Variants in PLCB1 observed in about 807,000 individuals in gnomAD.
PLCB1 encodes the protein 1-phosphatidylinositol 4,5-bisphosphate phosphodiesterase beta-1.
In PLCB1, 46 loss-of-function variants were observed where a neutral mutation model predicts 161.8. The ratio of observed to expected loss-of-function variants is 0.28; its 90% CI spans 0.22 to 0.36. The LOEUF (loss-of-function observed/expected upper bound fraction) is 0.36, where lower values mean the gene tolerates loss of function less well. Ranked by LOEUF, PLCB1 falls within the 10% of genes least tolerant of loss-of-function variation. PLCB1 has a pLI of 1.00. For synonymous variants in PLCB1, 517 were observed against 503.7 expected, an observed-to-expected ratio of 1.03 and a Z score of -0.35; for missense variants, 1,016 against 1,472.5, an observed-to-expected ratio of 0.69 and a Z score of 5.07.
At chr20:8,491,498 G>A (rs1982944418) in intron 3 of PLCB1, among the ~76,000 whole-genome samples, 1 of 151,962 alleles carries the variant, frequency 6.6e-6, no homozygotes, top group African/African-American at 2.4e-5. Context: ...CTGGAAAAGT[G>A]GTCTAATGTA....
At chr20:8,435,626 A>G (rs1364307340) in intron 3 of PLCB1, among the ~76,000 whole-genome samples, 1 of 152,166 alleles carries the variant, frequency 6.6e-6, no homozygotes, top group Non-Finnish European at 1.5e-5. Flanking sequence ...CAGAGCCCTC[A>G]GTCACAGAGC....
chr20:8,188,554 T>C (rs1451381825), intron 2 of PLCB1, among the ~76,000 whole-genome samples: 2 of 152,174 alleles, frequency 1.3e-5, no homozygotes, highest in Non-Finnish European at 2.9e-5. Flanking sequence ...GCAATGTGGA[T>C]TGCTAGACAG....
intron 3 of PLCB1, among the ~76,000 whole-genome samples, chr20:8,493,833 CG>C (rs1983045755): frequency 8.7e-5 from 7 of 80,042 alleles, no homozygotes; most frequent in African/African-American, 3.3e-4. Flanking sequence ...CCTTGGTGTA[CG>C]AGAGTCTGCA....
chr20:8,664,751 ATC>A (rs1438828210), intron 9 of PLCB1, among the ~76,000 whole-genome samples: 1 of 152,084 alleles, frequency 6.6e-6, no homozygotes, highest in African/African-American at 2.4e-5. Flanking sequence ...GTCTTTTTTC[ATC>A]TCTCATCATT....
chr20:8,445,512 A>G (rs909959868), intron 3 of PLCB1, among the ~76,000 whole-genome samples: 1 of 151,776 alleles, frequency 6.6e-6, no homozygotes, highest in Non-Finnish European at 1.5e-5. Flanking sequence ...TTGACTTAGG[A>G]TTGACTTGGC....
At chr20:8,509,342 T>C (rs1983775909) in intron 3 of PLCB1, among the ~76,000 whole-genome samples, 1 of 152,194 alleles carries the variant, frequency 6.6e-6, no homozygotes, top group African/African-American at 2.4e-5. Context: ...CATCAATTCT[T>C]GTAAGACAAC....
intron 2 of PLCB1, among the ~76,000 whole-genome samples, chr20:8,269,219 T>A (rs1296130176): frequency 1.3e-5 from 2 of 152,162 alleles, no homozygotes; most frequent in South Asian, 2.1e-4. Flanking sequence ...TTTCTCCTAA[T>A]GCTATCCCTA....
intron 3 of PLCB1, among the ~76,000 whole-genome samples, chr20:8,402,072 T>C (rs951631319): frequency 2.0e-5 from 3 of 152,214 alleles, no homozygotes; most frequent in East Asian, 1.9e-4. Flanking sequence ...GACTTTTCTA[T>C]ATATTTTTAG....
rs762799592 is a variant in PLCB1, at chr20:8,760,470, A to T, written c.2710+10A>T. 1 of 1,603,924 alleles carries T rather than the reference A, an allele frequency of 6.2e-7. No individual in the cohort carries two copies. The highest frequency in any genetic ancestry group is 1.1e-5 in the South Asian group (1 of 90,646). Reference sequence around the variant, plus strand: ...CAGAGTGTCTTAACAGGTAAATGCCACCCTTTCCCCCCATGGAATTAAGCA... The same window carrying T: ...CAGAGTGTCTTAACAGGTAAATGCCTCCCTTTCCCCCCATGGAATTAAGCA... On this transcript the variant is annotated intron_variant, in intron 25 of 31. Coordinates refer to ENST00000338037, the MANE Select transcript of PLCB1 (RefSeq NM_015192.4).
intron 3 of PLCB1, among the ~76,000 whole-genome samples, chr20:8,590,976 C>G (rs956737739): frequency 2.6e-5 from 4 of 152,126 alleles, no homozygotes; most frequent in Non-Finnish European, 4.4e-5. Flanking sequence ...CTCCCTCCCC[C>G]TCCCCGACCT....
At chr20:8,604,740 C>A (rs950729207) in intron 3 of PLCB1, among the ~76,000 whole-genome samples, 11 of 152,086 alleles carry the variant, frequency 7.2e-5, no homozygotes, top group African/African-American at 2.7e-4. Context: ...TCATGTTGGG[C>A]AATTCAAGAG....
intron 31 of PLCB1, among the ~76,000 whole-genome samples, chr20:8,865,622 A>T (rs1205611018): frequency 6.6e-6 from 1 of 152,212 alleles, no homozygotes; most frequent in Admixed American, 6.5e-5. Flanking sequence ...TTATCTCATC[A>T]TGGCAATTCA....
rs1008457294 is a variant in PLCB1, at chr20:8,733,523, C to A, written c.2043+131C>A. 5.0e-6 allele frequency: 4 copies of A among 794,302 alleles called. No homozygotes were observed. The African/African-American group carries it at 7.0e-5, about 14-fold the overall frequency. The allele number at this position is 794,302 out of a possible 1,614,324, so 49.2% of individuals were successfully genotyped here. ...TCTACTTTCTTCCTACATTTTTTTT[C>A]TCTAAAGATCAAATACACATTAAAA... On this transcript the variant is annotated intron_variant, in intron 19 of 31. Coordinates refer to ENST00000338037, the MANE Select transcript of PLCB1 (RefSeq NM_015192.4).
chr20:8,498,566 C>G (rs1983274511), intron 3 of PLCB1, among the ~76,000 whole-genome samples: 1 of 152,172 alleles, frequency 6.6e-6, no homozygotes, highest in Admixed American at 6.5e-5. Flanking sequence ...ATCACAATCT[C>G]AAGGCGGCGG....
At chr20:8,609,707 G>A (rs1266188811) in intron 3 of PLCB1, among the ~76,000 whole-genome samples, 3 of 152,008 alleles carry the variant, frequency 2.0e-5, no homozygotes, top group South Asian at 2.1e-4. Flanking sequence ...GCAGTGGTGC[G>A]ATCATAGTTC....
chr20:8,334,615 A>C (rs373882725), intron 2 of PLCB1, among the ~76,000 whole-genome samples: 1 of 152,336 alleles, frequency 6.6e-6, no homozygotes, highest in Middle Eastern at 3.4e-3. Context: ...GAAAAATAAA[A>C]CACTCAAGTT....
chr20:8,615,886 C>T (rs968609647), intron 3 of PLCB1, among the ~76,000 whole-genome samples: 1 of 152,102 alleles, frequency 6.6e-6, no homozygotes, highest in African/African-American at 2.4e-5. Context: ...CCCAAAGGCA[C>T]CTCAGACTTT....
chr20:8,254,702 G>A (rs929865443), intron 2 of PLCB1, among the ~76,000 whole-genome samples: 2 of 151,954 alleles, frequency 1.3e-5, no homozygotes, highest in Admixed American at 6.6e-5. Flanking sequence ...ATACCGCTAC[G>A]AGGCACTTTT....
At chr20:8,527,093 G>T (rs1984615298) in intron 3 of PLCB1, among the ~76,000 whole-genome samples, 1 of 152,068 alleles carries the variant, frequency 6.6e-6, no homozygotes, top group Admixed American at 6.6e-5. Context: ...ACTTGAGTAT[G>T]CATTCTTCAG....
Sources: gnomAD v4.1 joint callset for allele counts (sites outside exome capture counted in the v4.1 genomes callset) on GRCh38, gnomAD v4.1.1 for gene constraint, MANE v1.5 for transcripts, NCBI Gene and HGNC (gene_info 2026-07-23, HGNC 2026-07-21) for gene names.